Variants in CHEK1 observed in about 807,000 individuals in gnomAD.
CHEK1 encodes serine/threonine-protein kinase Chk1.
A neutral mutation model predicts 60.2 loss-of-function variants in CHEK1; 32 were observed. The ratio of observed to expected loss-of-function variants is 0.53; its 90% CI spans 0.40 to 0.71. The LOEUF is 0.71. Among genes scored for constraint, CHEK1 ranks in the 30% least tolerant of loss-of-function variants. The pLI is 0.00. For missense variants in CHEK1, 399 were observed against 564.6 expected (o/e 0.71, Z 2.97); for synonymous variants, 179 against 187.2 (o/e 0.96, Z 0.36).
At chr11:125,680,544 T>A (rs115691975), downstream of CHEK1, among the ~76,000 whole-genome samples, 67 of 152,286 alleles carry the variant, frequency 4.4e-4, no homozygotes, top group African/African-American at 1.5e-3. Context: ...ACCCTCTGAC[T>A]GTAAAGCTAT....
chr11:125,679,420 G>C (rs929097285), downstream of CHEK1, among the ~76,000 whole-genome samples: 3 of 151,976 alleles, frequency 2.0e-5, no homozygotes, highest in Non-Finnish European at 4.4e-5. Context: ...GTCTCGCCAT[G>C]TTGGCCAGGC....
At chr11:125,645,179 G>T (rs1941454257) in intron 11 of CHEK1, among the ~76,000 whole-genome samples, 2 of 151,334 alleles carry the variant, frequency 1.3e-5, no homozygotes, top group South Asian at 2.1e-4. Flanking sequence ...TTTCTTAAAA[G>T]ACCTTTTTAT....
chr11:125,646,092 C>T (rs1591411499), intron 11 of CHEK1, among the ~76,000 whole-genome samples: 3 of 151,914 alleles, frequency 2.0e-5, no homozygotes, highest in South Asian at 2.1e-4. Flanking sequence ...TGCATCACCA[C>T]GGGGAAAAAA....
intron 13 of CHEK1, among the ~76,000 whole-genome samples, chr11:125,671,077 T>C (rs1942192607): frequency 6.6e-6 from 1 of 152,144 alleles, no homozygotes; most frequent in South Asian, 2.1e-4. Context: ...CAGTTAATTT[T>C]TTAACTTTTT....
intron 13 of CHEK1, among the ~76,000 whole-genome samples, chr11:125,674,956 T>G (rs952962180): frequency 6.6e-6 from 1 of 152,216 alleles, no homozygotes; most frequent in African/African-American, 2.4e-5. Flanking sequence ...CATCCTGCAC[T>G]TTTCTGACTT....
At chr11:125,679,288 G>A (rs1220941135), downstream of CHEK1, among the ~76,000 whole-genome samples, 2 of 147,314 alleles carry the variant, frequency 1.4e-5, no homozygotes, top group African/African-American at 5.0e-5. Context: ...CACAATCTTG[G>A]CTCACTGCAA....
At chr11:125,666,461 G>A (rs1352869650) in intron 13 of CHEK1, among the ~76,000 whole-genome samples, 1 of 152,122 alleles carries the variant, frequency 6.6e-6, no homozygotes, top group Non-Finnish European at 1.5e-5. Flanking sequence ...GTGATGACAA[G>A]AACATGTATT....
At chr11:125,678,468 G>C (rs1942631810), downstream of CHEK1, among the ~76,000 whole-genome samples, 1 of 152,128 alleles carries the variant, frequency 6.6e-6, no homozygotes, top group Non-Finnish European at 1.5e-5. Context: ...ATCCCAAAAG[G>C]CCATGGAGGA....
At chr11:125,634,059 G>A (rs931852029) in intron 6 of CHEK1, among the ~76,000 whole-genome samples, 14 of 140,888 alleles carry the variant, frequency 9.9e-5, no homozygotes, top group African/African-American at 3.7e-4. Flanking sequence ...GTACAGTGAT[G>A]TGATCTCAGC....
Position 125,644,148 on chromosome 11 carries a change from A to G in CHEK1, c.981A>G (p.Leu327=). The G allele has an allele frequency of 6.2e-7, 1 of 1,614,162 alleles. No individual in the cohort carries two copies. Among genetic ancestry groups the G allele is most frequent in the Non-Finnish European group, 8.5e-7 (1 of 1,180,020 alleles). The change falls in exon 10 of 13, where the codon TTA becomes TTG. Residue 327 remains leucine (L), a synonymous_variant. Coordinates refer to ENST00000438015, the MANE Select transcript of CHEK1 (RefSeq NM_001114122.3). ...SQPEPRTGLS[L]WDTSPSYIDK... is the part of the protein sequence containing the mutation. ...CAGAACCCCGCACAGGTCTTTCCTT[A>G]TGGGATACCAGCCCCTCATACATTG...
chr11:125,642,510 T>A (rs571307154), intron 8 of CHEK1, among the ~76,000 whole-genome samples: 24 of 152,146 alleles, frequency 1.6e-4, no homozygotes, highest in African/African-American at 5.5e-4. Context: ...AATATCTGAA[T>A]GAATGGATTA....
At chr11:125,633,112 C>G (rs781528058) in intron 5 of CHEK1, 51 bp from the exon 6 acceptor site, 2 of 1,492,144 alleles carry the variant, frequency 1.3e-6, no homozygotes. Flanking sequence ...GTAAGTATAT[C>G]TATTTGCAAA....
downstream of CHEK1, among the ~76,000 whole-genome samples, chr11:125,658,601 TA>T (rs765328268): frequency 2.0e-5 from 3 of 151,952 alleles, no homozygotes; most frequent in Non-Finnish European, 2.9e-5. Context: ...TATTTTGTAT[TA>T]AAGGAGTCAT....
intron 8 of CHEK1, among the ~76,000 whole-genome samples, chr11:125,639,760 C>T (rs1679300758): frequency 6.6e-6 from 1 of 152,146 alleles, no homozygotes; most frequent in Non-Finnish European, 1.5e-5. Context: ...CACAAGAGAA[C>T]TTAGGCAAGC....
Position 125,625,847 on chromosome 11 carries a change from G to C in CHEK1, c.-186G>C, listed in dbSNP as rs762765107. On this transcript the variant is annotated 5_prime_UTR_variant, in exon 1 of 13. Transcript: ENST00000438015. ...TGGGCGGGAGCGGCAACATCTCCAC[G>C]TCACCCTTTTGGAGCCGCCGACATT... 2.8e-6 allele frequency: 2 copies of C among 702,516 alleles called. No individual in the cohort carries two copies. The highest frequency in any genetic ancestry group is 3.5e-5 in the African/African-American group (2 of 57,286). 43.5% of individuals were successfully genotyped at this position (702,516 alleles called of 1,614,324 possible). A position where few individuals can be genotyped will look rare whatever the true frequency, so the allele number is the denominator to read the frequency against.
intron 2 of CHEK1, 68 bp from the exon 3 acceptor site, chr11:125,627,539 C>G: frequency 7.5e-7 from 1 of 1,336,920 alleles, no homozygotes; most frequent in South Asian, 1.4e-5. Context: ...TTGGATGAGT[C>G]ATGTTTAATC....
chr11:125,647,589 T>C (rs758501170), intron 11 of CHEK1, among the ~76,000 whole-genome samples: 22 of 152,190 alleles, frequency 1.4e-4, no homozygotes, highest in Non-Finnish European at 1.8e-4. Flanking sequence ...AGAGATTACA[T>C]TGGGGAGTAT....
At chr11:125,662,044 T>G (rs1298264014), downstream of CHEK1, among the ~76,000 whole-genome samples, 1 of 152,212 alleles carries the variant, frequency 6.6e-6, no homozygotes, top group Non-Finnish European at 1.5e-5. Context: ...AACATTCACT[T>G]TCCTCCCACT....
At chr11:125,668,301 C>T (rs1942135062) in intron 13 of CHEK1, among the ~76,000 whole-genome samples, 1 of 152,106 alleles carries the variant, frequency 6.6e-6, no homozygotes, top group Non-Finnish European at 1.5e-5. Context: ...GACCTTGATA[C>T]TTTAGAAAAA....
Sources: allele counts gnomAD v4.1 joint callset (sites outside exome capture counted in the v4.1 genomes callset), GRCh38; gene constraint gnomAD v4.1.1; transcripts MANE v1.5; gene names NCBI Gene and HGNC (gene_info 2026-07-23, HGNC 2026-07-21).